SLC25A15: variants seen among roughly 807,000 people sequenced by gnomAD.
SLC25A15 encodes solute carrier family 25 member 15.
A neutral mutation model predicts 32.3 loss-of-function variants in SLC25A15; 24 were observed. The ratio of observed to expected loss-of-function variants is 0.74; its 90% CI spans 0.54 to 1.04. The LOEUF (loss-of-function observed/expected upper bound fraction) is 1.04. Ranked by LOEUF, SLC25A15 falls within the 50% of genes least tolerant of loss-of-function variation. The probability of loss-of-function intolerance (pLI) is 0.00; values close to 1 mark genes in which losing one functional copy is unlikely to be tolerated. For synonymous variants in SLC25A15, 132 were observed against 142.1 expected, an observed-to-expected ratio of 0.93 and a Z score of 0.51; for missense variants, 317 against 374.5, an observed-to-expected ratio of 0.85 and a Z score of 1.27.
chr13:40,790,182 C>T (rs1468599942), intron 1 of SLC25A15, among the ~76,000 whole-genome samples: 1 of 151,682 alleles, frequency 6.6e-6, no homozygotes, highest in Non-Finnish European at 1.5e-5. Context: ...AGCTGGCCTG[C>T]GGCTCCTTTA....
chr13:40,797,639 C>T (rs1274716492), intron 2 of SLC25A15, among the ~76,000 whole-genome samples: 1 of 152,076 alleles, frequency 6.6e-6, no homozygotes, highest in African/African-American at 2.4e-5. Context: ...GATCATATTG[C>T]TTGTTGCTTA....
At chr13:40,799,007 A>G in intron 2 of SLC25A15, 50 bp from the exon 3 acceptor site, 1 of 1,613,716 alleles carries the variant, frequency 6.2e-7, no homozygotes, top group Non-Finnish European at 8.5e-7. Flanking sequence ...CCTTCCATGG[A>G]TAATGGAACT....
At position 40,793,138 on chromosome 13, in the gene SLC25A15, G is replaced by A; in HGVS notation, c.-69-20G>A. The A allele has an allele frequency of 7.5e-7, 1 of 1,337,376 alleles. No individual in the cohort carries two copies. The highest frequency in any genetic ancestry group is 1.1e-6 in the Non-Finnish European group (1 of 934,842). The allele number at this position is 1,337,376 out of a possible 1,614,324, so 82.8% of individuals were successfully genotyped here. A position where few individuals can be genotyped will look rare whatever the true frequency, so the allele number is the denominator to read the frequency against. On this transcript the variant is annotated intron_variant, in intron 1 of 6. Coordinates refer to ENST00000338625, the MANE Select transcript of SLC25A15 (RefSeq NM_014252.4). Reference sequence around the variant, plus strand: ...GATGCTGCAGACTTGGACTAATGGTGAACTCTTGCCTCCCCCCAGGGATAT... The same window carrying A: ...GATGCTGCAGACTTGGACTAATGGTAAACTCTTGCCTCCCCCCAGGGATAT...
chr13:40,808,669 C>T (rs1408610813), intron 6 of SLC25A15, 73 bp downstream of exon 6: 10 of 1,403,324 alleles, frequency 7.1e-6, no homozygotes, highest in African/African-American at 1.4e-5. Context: ...CGTGGTGGCT[C>T]ATGCCTGTGA....
rs1882431642 is a variant in SLC25A15 at position 40,811,139 on chromosome 13, T to C, written c.*1472T>C. Among the ~76,000 whole-genome samples, 1 of 152,220 alleles carries C rather than the reference T, an allele frequency of 6.6e-6. No homozygotes were observed. The highest frequency in any genetic ancestry group is 1.5e-5 in the Non-Finnish European group (1 of 68,052). On this transcript the variant is annotated 3_prime_UTR_variant, in exon 7 of 7. Transcript: ENST00000338625. ...TTCTACATTTGGTACTTGCAGTCAGTAAGTCTTAATGATGACTGTATATGT... is the reference window on the plus strand; with the variant it reads ...TTCTACATTTGGTACTTGCAGTCAGCAAGTCTTAATGATGACTGTATATGT...
In SLC25A15 at chr13:40,812,257, T is replaced by A. The variant is rs1325894330; in HGVS notation, c.*2590T>A. Among the ~76,000 whole-genome samples, 1 of 152,158 alleles carries A rather than the reference T, an allele frequency of 6.6e-6. No homozygotes were observed. The highest frequency in any genetic ancestry group is 1.5e-5 in the Non-Finnish European group (1 of 68,024). ...CGTCCATTAGAGATTTAACTAGATA[T>A]GTTCAATAGAAAGAGTCTGAGGCAA... On this transcript the variant is annotated 3_prime_UTR_variant, in exon 7 of 7. Transcript: ENST00000338625.
Position 40,809,700 on chromosome 13 carries a change from G to A in SLC25A15, c.*33G>A, listed in dbSNP as rs1566125358. The A allele has an allele frequency of 1.2e-6, 2 of 1,610,100 alleles. No individual in the cohort carries two copies. Among genetic ancestry groups the A allele is most frequent in the Non-Finnish European group, 1.7e-6 (2 of 1,177,758 alleles). On this transcript the variant is annotated 3_prime_UTR_variant, in exon 7 of 7. Coordinates refer to ENST00000338625, the MANE Select transcript of SLC25A15 (RefSeq NM_014252.4). ...TGGTGGGCCTGAGCCAAGCACAGGTGTTTGAGGACTACAGTTCATCTCAGG... is the reference window on the plus strand; with the variant it reads ...TGGTGGGCCTGAGCCAAGCACAGGTATTTGAGGACTACAGTTCATCTCAGG...
rs1413976713 is a variant in SLC25A15, at chr13:40,810,918, AT to A, written c.*1252del. The A allele has an allele frequency of 2.9e-5, 15 of 526,100 alleles. No individual in the cohort carries two copies. The highest frequency in any genetic ancestry group is 4.7e-5 in the Non-Finnish European group (12 of 256,950). The allele number at this position is 526,100 out of a possible 1,614,324, so 32.6% of individuals were successfully genotyped here. ...CTCACTGTCTGCTCTGCCTCCACCAATCAGAAACCCTTCCAAGGAACAGTGA... is the reference window on the plus strand; with the variant it reads ...CTCACTGTCTGCTCTGCCTCCACCAACAGAAACCCTTCCAAGGAACAGTGA... On this transcript the variant is annotated 3_prime_UTR_variant, in exon 7 of 7. Transcript: ENST00000338625.
chr13:40,811,578 C>T lies in SLC25A15; in HGVS notation c.*1911C>T, dbSNP rs1436164997. ...AAAATTCACTGACCAACCAACCAAACTCCACACTTCATCTGATCCCCCATA... is the reference window on the plus strand; with the variant it reads ...AAAATTCACTGACCAACCAACCAAATTCCACACTTCATCTGATCCCCCATA... On this transcript the variant is annotated 3_prime_UTR_variant, in exon 7 of 7. Transcript: ENST00000338625. 6.6e-6 allele frequency among the ~76,000 whole-genome samples: 1 copy of T among 152,144 alleles called. No individual in the cohort carries two copies. Among genetic ancestry groups the T allele is most frequent in the African/African-American group, 2.4e-5 (1 of 41,440 alleles).
intron 3 of SLC25A15, among the ~76,000 whole-genome samples, chr13:40,800,234 T>A (rs750509105): frequency 1.4e-4 from 21 of 152,106 alleles, no homozygotes; most frequent in Admixed American, 2.6e-4. Flanking sequence ...TGTGCCCTTT[T>A]ATAGACAGGA....
In SLC25A15 at chr13:40,811,540, TATTCACTGACCAAAA is replaced by T. The variant is rs1002061333; in HGVS notation, c.*1887_*1901del. Among the ~76,000 whole-genome samples, 6 of 151,952 alleles carry T rather than the reference TATTCACTGACCAAAA, an allele frequency of 3.9e-5. No homozygotes were observed. The highest frequency in any genetic ancestry group is 7.4e-5 in the Non-Finnish European group (5 of 67,978). ...TGTACTTCACTATGCCATATGTATG[TATTCACTGACCAAAA>T]ATTCACTGACCAACCAACCAAACTC... On this transcript the variant is annotated 3_prime_UTR_variant, in exon 7 of 7. Coordinates refer to ENST00000338625, the MANE Select transcript of SLC25A15 (RefSeq NM_014252.4).
At chr13:40,805,713 C>T (rs1453766193) in intron 4 of SLC25A15, among the ~76,000 whole-genome samples, 3 of 152,188 alleles carry the variant, frequency 2.0e-5, no homozygotes, top group Non-Finnish European at 4.4e-5. Context: ...TCTTACCCCA[C>T]TTATCCCCAG....
intron 3 of SLC25A15, among the ~76,000 whole-genome samples, chr13:40,801,265 C>T (rs1174339420): frequency 1.3e-5 from 2 of 150,722 alleles, no homozygotes; most frequent in Non-Finnish European, 3.0e-5. Context: ...AGAAACCATC[C>T]TGATTAACCT....
Position 40,799,146 on chromosome 13 carries a change from G to A in SLC25A15, c.145G>A (p.Asp49Asn), listed in dbSNP as rs539373322. The part of the protein sequence containing the change: ...TFPDLYRGLT[D>N]CCLKTYSQVG... ...CCCTGACCTGTACCGGGGCCTCACC[G>A]ACTGCTGCCTGAAGACTTACTCCCA... The change falls in exon 3 of 7, where the codon GAC becomes AAC. Residue 49 changes from aspartate (D) to asparagine (N), a missense_variant. Transcript: ENST00000338625. The A allele has an allele frequency of 1.2e-5, 20 of 1,614,174 alleles. No individual in the cohort carries two copies. The highest frequency in any genetic ancestry group is 9.3e-5 in the African/African-American group (7 of 75,026).
intron 5 of SLC25A15, 97 bp downstream of exon 5, chr13:40,807,560 C>G: frequency 1.5e-6 from 2 of 1,360,046 alleles, no homozygotes; most frequent in Admixed American, 1.7e-5. Context: ...CTCTCCTCCC[C>G]ACATTGGTGG....
chr13:40,793,680 TC>T (rs1881583510), intron 2 of SLC25A15, among the ~76,000 whole-genome samples: 1 of 152,186 alleles, frequency 6.6e-6, no homozygotes, highest in South Asian at 2.1e-4. Context: ...CTAAATGAGA[TC>T]AAATGAAAGT....
rs1882119283 is a variant in SLC25A15 at position 40,805,145 on chromosome 13, C to T, written c.342C>T (p.Ser114=). 6.2e-7 allele frequency: 1 copy of T among 1,614,164 alleles called. No homozygotes were observed. Residue 114 remains serine (S), a synonymous_variant, in exon 4 of 7, where the codon TCC becomes TCT. Coordinates refer to ENST00000338625, the MANE Select transcript of SLC25A15 (RefSeq NM_014252.4). The part of the protein sequence containing the change: ...LSDLQNAAAG[S]FASAFAALVL... ...ATCTGCAGAATGCAGCCGCCGGTTC[C>T]TTCGCCTCTGCCTTTGCTGCACTGG...
At chr13:40,793,393 A>C in intron 2 of SLC25A15, 112 bp downstream of exon 2, 1 of 883,654 alleles carries the variant, frequency 1.1e-6, no homozygotes, top group Admixed American at 2.0e-5. Flanking sequence ...CTGTGTTTAG[A>C]TACATTTAGA....
At position 40,799,240 on chromosome 13, in the gene SLC25A15, T is replaced by C; in HGVS notation, c.239T>C (p.Val80Ala). 6.2e-7 allele frequency: 1 copy of C among 1,614,114 alleles called. No homozygotes were observed. The highest frequency in any genetic ancestry group is 8.5e-7 in the Non-Finnish European group (1 of 1,180,026). The stretch of plus-strand genomic sequence containing the variant: ...ATCGCCAACATCGCTGAGAACTCAG[T>C]CCTCTTCATGTGCTACGGCTTCTGC... The part of the protein sequence containing the change: ...ALIANIAENS[V>A]LFMCYGFCQQ... Residue 80 changes from valine to alanine, a missense_variant, in exon 3 of 7, where the codon GTC (valine) becomes GCC (alanine). Val to Ala is a moderately conservative substitution (Grantham distance 64). Transcript: ENST00000338625.
Sources: gnomAD v4.1 joint callset for allele counts (sites outside exome capture counted in the v4.1 genomes callset) on GRCh38, gnomAD v4.1.1 for gene constraint, MANE v1.5 for transcripts, NCBI Gene and HGNC (gene_info 2026-07-23, HGNC 2026-07-21) for gene names.